Variants in IQGAP2 observed in about 807,000 individuals in gnomAD.
The protein encoded by IQGAP2 is IQ motif containing GTPase activating protein 2.
Under a neutral mutation model 201.3 loss-of-function variants are expected in IQGAP2, and 173 were observed. That is an observed-to-expected ratio of 0.86 (90% CI 0.76 to 0.98). IQGAP2 has a LOEUF of 0.98. Ranked by LOEUF, IQGAP2 falls within the 50% of genes least tolerant of loss-of-function variation. The pLI is 0.00. For synonymous variants in IQGAP2, 675 were observed against 673.9 expected (o/e 1.00, Z -0.03); for missense variants, 1,687 against 1,864.8 (o/e 0.90, Z 1.76).
chr5:76,700,998 C>T (rs1747330027), intron 33 of IQGAP2, 78 bp from the exon 34 acceptor site: 7 of 1,463,690 alleles, frequency 4.8e-6, no homozygotes, highest in Non-Finnish European at 6.6e-6. Flanking sequence ...CGATGTCACT[C>T]TGAGTATGGT....
intron 9 of IQGAP2, 53 bp downstream of exon 9, chr5:76,592,978 T>C (rs979343281): frequency 8.2e-7 from 1 of 1,212,228 alleles, no homozygotes; most frequent in African/African-American, 1.5e-5. Context: ...ATACAGACTT[T>C]CCTTGCCAGA....
chr5:76,646,355 A>G (rs1486750624), intron 17 of IQGAP2, among the ~76,000 whole-genome samples: 2 of 152,144 alleles, frequency 1.3e-5, no homozygotes, highest in Non-Finnish European at 2.9e-5. Context: ...AAAATTTTTT[A>G]TTTTGGTTAT....
At chr5:76,667,280 A>T (rs924573465) in intron 22 of IQGAP2, among the ~76,000 whole-genome samples, 3 of 152,236 alleles carry the variant, frequency 2.0e-5, no homozygotes, top group Non-Finnish European at 4.4e-5. Context: ...GCTTATTTAT[A>T]AAATTTCAAC....
intron 13 of IQGAP2, chr5:76,623,228 C>T: frequency 6.2e-7 from 1 of 1,614,196 alleles, no homozygotes; most frequent in South Asian, 1.1e-5. Flanking sequence ...TGAGGGCTTT[C>T]ATTTTGATGA....
At chr5:76,584,159 A>G (rs1427540627) in intron 5 of IQGAP2, among the ~76,000 whole-genome samples, 1 of 152,176 alleles carries the variant, frequency 6.6e-6, no homozygotes, top group African/African-American at 2.4e-5. Flanking sequence ...GACGTGAGCC[A>G]CTGTGCCCAG....
chr5:76,704,357 C>T (rs1422025224), intron 35 of IQGAP2, among the ~76,000 whole-genome samples: 2 of 148,842 alleles, frequency 1.3e-5, no homozygotes, highest in Non-Finnish European at 3.0e-5. Flanking sequence ...CCAGGAGACA[C>T]CTTATATTGT....
chr5:76,496,610 G>A (rs139032612), intron 2 of IQGAP2, among the ~76,000 whole-genome samples: 9 of 152,300 alleles, frequency 5.9e-5, no homozygotes, highest in African/African-American at 9.6e-5. Context: ...GGGATCATGC[G>A]GAGGGAGTCT....
chr5:76,481,135 T>C (rs1382776599), intron 2 of IQGAP2, among the ~76,000 whole-genome samples: 1 of 152,164 alleles, frequency 6.6e-6, no homozygotes, highest in East Asian at 1.9e-4. Flanking sequence ...ACAATGGTGA[T>C]GAAGTTTCAA....
intron 28 of IQGAP2, among the ~76,000 whole-genome samples, chr5:76,679,067 C>T (rs1044318100): frequency 1.3e-5 from 2 of 152,154 alleles, no homozygotes; most frequent in African/African-American, 2.4e-5. Context: ...TGGACAGACT[C>T]ATTTATATTT....
intron 2 of IQGAP2, among the ~76,000 whole-genome samples, chr5:76,524,463 T>C (rs1363563701): frequency 6.6e-6 from 1 of 152,140 alleles, no homozygotes; most frequent in Non-Finnish European, 1.5e-5. Flanking sequence ...ACCGATCCGA[T>C]CCAGTGATAT....
At chr5:76,436,549 T>A in intron 1 of IQGAP2, among the ~76,000 whole-genome samples, 1 of 77,208 alleles carries the variant, frequency 1.3e-5, no homozygotes, top group Non-Finnish European at 2.7e-5. Context: ...TTTTTTTTTT[T>A]GAGACAGAGT....
chr5:76,687,518 A>C (rs1745887789), intron 30 of IQGAP2, among the ~76,000 whole-genome samples: 1 of 152,232 alleles, frequency 6.6e-6, no homozygotes, highest in Non-Finnish European at 1.5e-5. Flanking sequence ...AAAGTCTAAA[A>C]GTACCAGTAT....
At chr5:76,695,316 A>G in intron 31 of IQGAP2, 138 bp from the exon 32 acceptor site, 1 of 669,602 alleles carries the variant, frequency 1.5e-6, no homozygotes, top group Non-Finnish European at 2.6e-6. Flanking sequence ...AAACTCAGGA[A>G]GAACATGTTC....
At chr5:76,693,971 C>T (rs574354455) in intron 31 of IQGAP2, 1 of 152,166 alleles carries the variant, frequency 6.6e-6, no homozygotes, top group Non-Finnish European at 1.5e-5. Context: ...CGTCATTGTT[C>T]GTTCTAAAAT....
chr5:76,462,246 T>G (rs2150126790), intron 2 of IQGAP2, among the ~76,000 whole-genome samples: 1 of 152,312 alleles, frequency 6.6e-6, no homozygotes, highest in Non-Finnish European at 1.5e-5. Context: ...TTTTCCCCAC[T>G]CGCAGCCCAA....
intron 1 of IQGAP2, chr5:76,404,426 A>G: frequency 6.1e-6 from 6 of 982,810 alleles, no homozygotes; most frequent in Non-Finnish European, 7.3e-6. Flanking sequence ...TTTCCTTTAA[A>G]ACAAACAGAA....
intron 2 of IQGAP2, among the ~76,000 whole-genome samples, chr5:76,465,876 T>C (rs944088995): frequency 4.6e-5 from 7 of 152,116 alleles, no homozygotes; most frequent in Non-Finnish European, 8.8e-5. Context: ...ACATTGAAAA[T>C]TTTAAAACTC....
At chr5:76,404,187 C>T (rs546190829) in intron 1 of IQGAP2, among the ~76,000 whole-genome samples, 4 of 152,288 alleles carry the variant, frequency 2.6e-5, no homozygotes, top group East Asian at 3.9e-4. Context: ...CCTTTCCCCC[C>T]CGCTCCCCTC....
rs2150430613 is a variant in IQGAP2 at position 76,652,791 on chromosome 5, C to G, written c.2136C>G (p.His712Gln). Reference sequence around the variant, plus strand: ...ATAAACAACGGAAGGAGTATATGCACAGGCGGCAAACGTTCATTGATAATA... The same window carrying G: ...ATAAACAACGGAAGGAGTATATGCAGAGGCGGCAAACGTTCATTGATAATA... ...KGYKQRKEYM[H>Q]RRQTFIDNTD... Residue 712 changes from histidine to glutamine, a missense_variant, in exon 18 of 36, where the codon CAC becomes CAG. Transcript: ENST00000274364. The G allele has an allele frequency of 6.2e-7, 1 of 1,611,430 alleles. No individual in the cohort carries two copies. The highest frequency in any genetic ancestry group is 2.2e-5 in the East Asian group (1 of 44,876).
Sources: gnomAD v4.1 joint callset for allele counts (sites outside exome capture counted in the v4.1 genomes callset) on GRCh38, gnomAD v4.1.1 for gene constraint, MANE v1.5 for transcripts, NCBI Gene and HGNC (gene_info 2026-07-23, HGNC 2026-07-21) for gene names.